CHRNE: variants seen among roughly 807,000 people sequenced by gnomAD.
CHRNE encodes cholinergic receptor nicotinic epsilon subunit.
CHRNE carries 58 observed loss-of-function variants against 56.5 expected under a neutral mutation model. That is an observed-to-expected ratio of 1.03 (90% CI 0.83 to 1.28). The LOEUF is 1.28. Among genes scored for constraint, CHRNE ranks in the 50% most tolerant of loss-of-function variants. The pLI, the probability that CHRNE is intolerant of heterozygous loss-of-function variation, is 0.00. For missense variants in CHRNE, 793 were observed against 688.9 expected (o/e 1.15, Z -1.69); for synonymous variants, 385 against 297.9 (o/e 1.29, Z -3.01).
chr17:4,900,511 G>A, intron 8 of CHRNE: 1 of 1,550,898 alleles, frequency 6.4e-7, no homozygotes, highest in Non-Finnish European at 8.7e-7. Context: ...GAACCGGTGA[G>A]CTCAGGACAC....
chr17:4,899,626 C>T (rs1301268610), intron 8 of CHRNE, 44 bp from the exon 9 acceptor site: 1 of 1,493,314 alleles, frequency 6.7e-7, no homozygotes, highest in Non-Finnish European at 9.1e-7. Context: ...CTCCTCCCAG[C>T]TACCGAAGGC....
Position 4,901,220 on chromosome 17 carries a change from G to T in CHRNE, c.602-30C>A, listed in dbSNP as rs780681661. On this transcript the variant is annotated intron_variant, in intron 6 of 11. Transcript: ENST00000649488. ...GGGACGGGGGCACGGTCAGCTGGCT[G>T]TCAGAGCGGGGCGCCCGCCGAGCTG... 5.7e-6 allele frequency: 9 copies of T among 1,592,740 alleles called. No individual in the cohort carries two copies. The Admixed American group carries it at 1.5e-4, about 27-fold the overall frequency.
intron 8 of CHRNE, chr17:4,900,255 C>A (rs748606985): frequency 1.3e-6 from 2 of 1,546,696 alleles, no homozygotes; most frequent in African/African-American, 2.7e-5. Flanking sequence ...CCTGTGGCTG[C>A]AGCAGGAGGC....
In CHRNE at chr17:4,901,560, A is replaced by G. The variant is rs1434759462; in HGVS notation, c.566T>C (p.Ile189Thr). The G allele has an allele frequency of 1.2e-6, 2 of 1,613,918 alleles. No homozygotes were observed. The highest frequency in any genetic ancestry group is 1.7e-6 in the Non-Finnish European group (2 of 1,180,010). ...TFAVDNDGKT[I>T]NKIDIDTEAY... ...CTCTGTGTCGATGTCGATCTTGTTG[A>G]TGGTCTTGCCGTCGTTGTCTACGGC... Residue 189 changes from isoleucine to threonine, a missense_variant, in exon 6 of 12, where the codon ATC becomes ACC. By Grantham distance (89) the Ile-to-Thr change is moderately conservative (BLOSUM62 -1). Coordinates refer to ENST00000649488, the MANE Select transcript of CHRNE (RefSeq NM_000080.4).
Position 4,898,602 on chromosome 17 carries a change from A to C in CHRNE, c.*134T>G, listed in dbSNP as rs933637350. 24 of 1,257,580 alleles carry C rather than the reference A, an allele frequency of 1.9e-5. No homozygotes were observed. Among genetic ancestry groups the C allele is most frequent in the East Asian group, 2.5e-5 (1 of 39,448 alleles). 77.9% of individuals were successfully genotyped at this position (1,257,580 alleles called of 1,614,324 possible). A position where few individuals can be genotyped will look rare whatever the true frequency, so the allele number is the denominator to read the frequency against. On this transcript the variant is annotated 3_prime_UTR_variant, in exon 12 of 12. Transcript: ENST00000649488. ...TACACACGCCAGGGAACGGGCACAC[A>C]CCATTCTTGTGAAGTTCACAAACTG...
chr17:4,900,395 G>A (rs956969800), intron 8 of CHRNE: 1 of 1,550,338 alleles, frequency 6.5e-7, no homozygotes. Flanking sequence ...CCAGCGCCCG[G>A]CTCCTAGTCC....
intron 8 of CHRNE, chr17:4,900,577 C>T (rs1380505191): frequency 6.5e-7 from 1 of 1,548,178 alleles, no homozygotes; most frequent in Non-Finnish European, 8.7e-7. Context: ...GCCGGACTGT[C>T]CCCCAAGAGA....
intron 8 of CHRNE, chr17:4,900,000 T>G: frequency 6.4e-7 from 1 of 1,551,510 alleles, no homozygotes; most frequent in Non-Finnish European, 8.7e-7. Context: ...CATGAATATC[T>G]GGAGCAGAGG....
chr17:4,902,161 C>A lies in CHRNE; in HGVS notation c.344+56G>T. On this transcript the variant is annotated intron_variant, in intron 4 of 11. Transcript: ENST00000649488. This position sits in a 1 kb window ranked among gnomAD's most constrained non-coding sequence, Gnocchi z 4.0. The stretch of plus-strand genomic sequence containing the variant: ...AGAGTACCCCCTTCCCCAACCAAGT[C>A]CAGCCCGCACCCCAGGCCGGCTTCC... 6.2e-7 allele frequency: 1 copy of A among 1,613,840 alleles called. No homozygotes were observed. Among genetic ancestry groups the A allele is most frequent in the South Asian group, 1.1e-5 (1 of 91,078 alleles).
chr17:4,906,400 T>C (rs1567641591), upstream of CHRNE, among the ~76,000 whole-genome samples: 1 of 152,146 alleles, frequency 6.6e-6, no homozygotes, highest in Non-Finnish European at 1.5e-5. Context: ...ATATGAAATA[T>C]ACATAAATTA....
chr17:4,902,815 C>T lies in CHRNE; in HGVS notation c.47-52G>A, dbSNP rs1387942164. On this transcript the variant is annotated intron_variant, in intron 1 of 11. Transcript: ENST00000649488. The surrounding 1 kb of genome is among the most constrained non-coding windows in gnomAD (Gnocchi z 4.0). The stretch of plus-strand genomic sequence containing the variant: ...CATTGGCAATGAAGAGGCTGGAGCA[C>T]CTCTCTCCCCTCTGCCTCCCCTGGG... The T allele has an allele frequency of 2.5e-6, 4 of 1,612,956 alleles. No individual in the cohort carries two copies. Among genetic ancestry groups the T allele is most frequent in the Non-Finnish European group, 3.4e-6 (4 of 1,179,508 alleles).
chr17:4,898,846 A>C lies in CHRNE; in HGVS notation c.1372T>G (p.Cys458Gly). 2 of 1,593,808 alleles carry C rather than the reference A, an allele frequency of 1.3e-6. No homozygotes were observed. The highest frequency in any genetic ancestry group is 1.7e-6 in the Non-Finnish European group (2 of 1,170,916). Residue 458 changes from cysteine (C) to glycine (G), a missense_variant, in exon 12 of 12, where the codon TGC becomes GGC. Coordinates refer to ENST00000649488, the MANE Select transcript of CHRNE (RefSeq NM_000080.4). Reference protein sequence around the residue: ...VRMGNALDNICFWAALVLFSV... With the variant: ...VRMGNALDNIGFWAALVLFSV... ...AAGAGCACCAGAGCGGCCCAGAAGC[A>C]GATGTTGTCAAGGGCATTCCCCATG...
At chr17:4,900,667 C>CCA in intron 8 of CHRNE, 126 bp downstream of exon 8, 1 of 1,441,624 alleles carries the variant, frequency 6.9e-7, no homozygotes, top group Non-Finnish European at 9.5e-7. Flanking sequence ...CGTACCAGCC[C>CCA]CACCCAGCGT....
At chr17:4,900,733 G>C (rs1284874599) in intron 8 of CHRNE, 60 bp downstream of exon 8, 3 of 1,544,170 alleles carry the variant, frequency 1.9e-6, no homozygotes, top group Admixed American at 1.9e-5. Context: ...GGGTCTCTGG[G>C]TTTTGGCCAC....
intron 8 of CHRNE, chr17:4,900,052 G>A (rs1206034449): frequency 4.5e-6 from 7 of 1,551,322 alleles, no homozygotes; most frequent in Non-Finnish European, 6.1e-6. Context: ...AACCGAAGAT[G>A]CAGGGGATGC....
At chr17:4,903,180 C>T (rs1424141346), upstream of CHRNE, 1 of 1,004,804 alleles carries the variant, frequency 1.0e-6, no homozygotes, top group Non-Finnish European at 1.5e-6. Context: ...GGACTGTCAC[C>T]TAATCCTCTG....
rs144169073 is a variant in CHRNE, at chr17:4,902,707, A to T, written c.103T>A (p.Tyr35Asn). ...CGCACTGGCCGGCTTCCTGGGTCAT[A>T]GTTGTTGAAGAGATGGTGATAAAGA... ...LRLYHHLFNN[Y>N]DPGSRPVREP... Residue 35 changes from tyrosine (Y) to asparagine (N), a missense_variant, in exon 2 of 12, where the codon TAT (tyrosine) becomes AAT (asparagine). Transcript: ENST00000649488. The surrounding 1 kb of genome is among the most constrained non-coding windows in gnomAD (Gnocchi z 4.0). 4 of 1,613,876 alleles carry T rather than the reference A, an allele frequency of 2.5e-6. No homozygotes were observed. Among genetic ancestry groups the T allele is most frequent in the Non-Finnish European group, 3.4e-6 (4 of 1,180,014 alleles).
chr17:4,900,004 G>GC lies in CHRNE; in HGVS notation c.918-423dup, dbSNP rs201204280. 1.1e-3 allele frequency: 1,693 copies of GC among 1,551,570 alleles called. 18 individuals carry two copies. In the African/African-American group the frequency reaches 0.02, roughly 18 times the overall value. ...TGGCCGCAGCCCATGAATATCTGGAGCAGAGGTTCAGAGAGCTGAAGTCCC... is the reference window on the plus strand; with the variant it reads ...TGGCCGCAGCCCATGAATATCTGGAGCCAGAGGTTCAGAGAGCTGAAGTCCC... On this transcript the variant is annotated intron_variant, in intron 8 of 11. Transcript: ENST00000649488.
rs758635056 is a variant in CHRNE at position 4,903,029 on chromosome 17, A to C, written c.35T>G (p.Leu12Trp). ...ARAPLGVLLL[L>W]GLLGRGVGKN... ...GCCCCTGTCCGTACCGAGAAGCCCC[A>C]AGAGGAGCAGGACCCCAAGCGGAGC... The change falls in exon 1 of 12, where the codon TTG (leucine) becomes TGG (tryptophan). Residue 12 changes from leucine to tryptophan, a missense_variant. By Grantham distance (61) the Leu-to-Trp change is moderately conservative. Coordinates refer to ENST00000649488, the MANE Select transcript of CHRNE (RefSeq NM_000080.4). The C allele has an allele frequency of 5.6e-6, 9 of 1,613,670 alleles. No individual in the cohort carries two copies. In the Admixed American group the frequency reaches 1.5e-4, roughly 27 times the overall value.
Sources: allele counts gnomAD v4.1 joint callset (sites outside exome capture counted in the v4.1 genomes callset), GRCh38; gene constraint gnomAD v4.1.1; non-coding constraint Gnocchi (gnomAD v3.1); transcripts MANE v1.5; gene names NCBI Gene and HGNC (gene_info 2026-07-23, HGNC 2026-07-21).